Variants in USP34 observed in about 807,000 individuals in gnomAD.
USP34 encodes ubiquitin specific peptidase 34.
A neutral mutation model predicts 460.3 loss-of-function variants in USP34; 70 were observed. That is an observed-to-expected ratio of 0.15 (90% CI 0.13 to 0.19). USP34 has a LOEUF of 0.19. Ranked by LOEUF, USP34 falls within the 10% of genes least tolerant of loss-of-function variation. USP34 has a pLI of 1.00. For synonymous variants in USP34, 1,647 were observed against 1,405.3 expected, an observed-to-expected ratio of 1.17 and a Z score of -3.85; for missense variants, 3,985 against 4,236.2, an observed-to-expected ratio of 0.94 and a Z score of 1.65.
chr2:61,385,229 A>C (rs2103875015), intron 5 of USP34, among the ~76,000 whole-genome samples: 1 of 152,342 alleles, frequency 6.6e-6, no homozygotes, highest in East Asian at 1.9e-4. Context: ...CAATTAAACA[A>C]CATGTAAATA....
At chr2:61,341,935 G>GT (rs1476398830) in intron 16 of USP34, among the ~76,000 whole-genome samples, 1 of 151,270 alleles carries the variant, frequency 6.6e-6, no homozygotes, top group Admixed American at 6.6e-5. Flanking sequence ...GCTGATTTTT[G>GT]TATTTTTAGT....
chr2:61,453,080 C>A (rs1695332675), intron 1 of USP34, among the ~76,000 whole-genome samples: 1 of 151,952 alleles, frequency 6.6e-6, no homozygotes, highest in Admixed American at 6.6e-5. Context: ...ATTAATACAA[C>A]CTTTCTAGAA....
chr2:61,387,577 TA>T (rs1268892554), intron 5 of USP34, among the ~76,000 whole-genome samples: 4 of 146,056 alleles, frequency 2.7e-5, no homozygotes, highest in African/African-American at 9.9e-5. Flanking sequence ...CACACATATA[TA>T]AAATATATAT....
chr2:61,355,009 T>C (rs1317346484), intron 10 of USP34, among the ~76,000 whole-genome samples: 2 of 152,176 alleles, frequency 1.3e-5, no homozygotes, highest in African/African-American at 4.8e-5. Flanking sequence ...ATGAGGCACT[T>C]GTCTCTATCC....
Position 61,378,281 on chromosome 2 carries a change from A to T in USP34, c.1076+82T>A, listed in dbSNP as rs1379236798. 20 of 1,069,308 alleles carry T rather than the reference A, an allele frequency of 1.9e-5. 1 individual carries two copies. The highest frequency in any genetic ancestry group is 2.7e-5 in the Non-Finnish European group (20 of 737,584). The allele number at this position is 1,069,308 out of a possible 1,614,324, so 66.2% of individuals were successfully genotyped here. A position where few individuals can be genotyped will look rare whatever the true frequency, so the allele number is the denominator to read the frequency against. On this transcript the variant is annotated intron_variant, in intron 8 of 79. Coordinates refer to ENST00000398571, the MANE Select transcript of USP34 (RefSeq NM_014709.4). The stretch of plus-strand genomic sequence containing the variant: ...GCAAAGAATTTCTAGTAAAAATTTT[A>T]AATCTAAAAATTAGAATTTACCATA...
chr2:61,404,308 C>A (rs1693805936), intron 3 of USP34, among the ~76,000 whole-genome samples: 2 of 152,026 alleles, frequency 1.3e-5, no homozygotes, highest in African/African-American at 4.8e-5. Context: ...CTCTAATGGC[C>A]ATAATTCTTC....
intron 1 of USP34, among the ~76,000 whole-genome samples, chr2:61,432,252 T>A (rs1355380075): frequency 3.3e-5 from 5 of 151,852 alleles, no homozygotes; most frequent in African/African-American, 1.2e-4. Flanking sequence ...GGTGGGCAGA[T>A]GGCTTGAATT....
At chr2:61,257,671 G>C (rs1688755030) in intron 44 of USP34, among the ~76,000 whole-genome samples, 1 of 151,742 alleles carries the variant, frequency 6.6e-6, no homozygotes, top group Non-Finnish European at 1.5e-5. Flanking sequence ...GGCCGAAGCA[G>C]GCGGATTATG....
At chr2:61,269,524 A>T (rs965326563) in intron 41 of USP34, among the ~76,000 whole-genome samples, 2 of 152,042 alleles carry the variant, frequency 1.3e-5, no homozygotes, top group Non-Finnish European at 2.9e-5. Flanking sequence ...GAGGACCATA[A>T]TTTTGTCTTT....
At chr2:61,314,824 A>T (rs748534827) in intron 24 of USP34, 51 bp downstream of exon 24, 1 of 1,594,692 alleles carries the variant, frequency 6.3e-7, no homozygotes, top group South Asian at 1.1e-5. Context: ...TAGTTTCACA[A>T]AACACCCTCA....
intron 1 of USP34, among the ~76,000 whole-genome samples, chr2:61,459,435 C>T (rs1159281223): frequency 6.6e-6 from 1 of 152,156 alleles, no homozygotes; most frequent in African/African-American, 2.4e-5. Context: ...AGTATTCCAA[C>T]TTCATAAGCA....
intron 1 of USP34, among the ~76,000 whole-genome samples, chr2:61,458,922 C>T (rs1178034537): frequency 1.3e-5 from 2 of 151,948 alleles, no homozygotes; most frequent in Non-Finnish European, 1.5e-5. Context: ...AAAAATGAGC[C>T]GGGCACAGTG....
chr2:61,343,906 T>C lies in USP34; in HGVS notation c.2409A>G (p.Leu803=), dbSNP rs765587136. 6.2e-7 allele frequency: 1 copy of C among 1,613,884 alleles called. No individual in the cohort carries two copies. The highest frequency in any genetic ancestry group is 1.7e-5 in the Admixed American group (1 of 59,996). The part of the protein sequence containing the change: ...DGEESGCEEE[L]VQINSHAELT... ...GTTCCGCATGTGAATTAATCTGAAC[T>C]AGCTCCTCTTCACATCCAGATTCTT... is the stretch of plus-strand genomic sequence containing the variant. The change falls in exon 16 of 80, where the codon CTA becomes CTG. Residue 803 remains leucine, a synonymous_variant. Coordinates refer to ENST00000398571, the MANE Select transcript of USP34 (RefSeq NM_014709.4).
chr2:61,232,567 C>A, intron 57 of USP34, 35 bp from the exon 58 acceptor site: 1 of 1,501,660 alleles, frequency 6.7e-7, no homozygotes, highest in Non-Finnish European at 9.1e-7. Flanking sequence ...CTTTAACATT[C>A]AACAAATATT....
At chr2:61,371,777 T>C (rs944758720) in intron 8 of USP34, among the ~76,000 whole-genome samples, 1 of 152,194 alleles carries the variant, frequency 6.6e-6, no homozygotes, top group Non-Finnish European at 1.5e-5. Context: ...AGCTCCATTC[T>C]TGGTAAGCGT....
chr2:61,462,655 GT>G (rs1287543436), intron 1 of USP34, among the ~76,000 whole-genome samples: 1 of 151,924 alleles, frequency 6.6e-6, no homozygotes, highest in Non-Finnish European at 1.5e-5. Context: ...GAGGCCAGGA[GT>G]TTGAGACCAG....
chr2:61,275,581 C>T (rs2103944144), intron 41 of USP34, among the ~76,000 whole-genome samples: 1 of 151,538 alleles, frequency 6.6e-6, no homozygotes. Context: ...TATGATTGTG[C>T]CCCTGCACTG....
intron 41 of USP34, among the ~76,000 whole-genome samples, chr2:61,272,318 G>A (rs569625109): frequency 6.6e-6 from 1 of 151,704 alleles, no homozygotes; most frequent in African/African-American, 2.4e-5. Context: ...GGCTGCAGCG[G>A]GAGAATGGTG....
At chr2:61,425,545 G>A (rs989795383) in intron 1 of USP34, among the ~76,000 whole-genome samples, 1 of 152,092 alleles carries the variant, frequency 6.6e-6, no homozygotes, top group Admixed American at 6.5e-5. Flanking sequence ...CCCACCCAGG[G>A]AGGGAGCATT....
Sources: gnomAD v4.1 joint callset for allele counts (sites outside exome capture counted in the v4.1 genomes callset) on GRCh38, gnomAD v4.1.1 for gene constraint, MANE v1.5 for transcripts, NCBI Gene and HGNC (gene_info 2026-07-23, HGNC 2026-07-21) for gene names.